TEKT3: variants seen among roughly 807,000 people sequenced by gnomAD.
TEKT3 encodes tektin-3.
In TEKT3, 49 loss-of-function variants were observed where a neutral mutation model predicts 49.8. The observed-to-expected ratio is 0.98, with a 90% CI of 0.78 to 1.25. TEKT3 has a LOEUF of 1.25. Among genes scored for constraint, TEKT3 ranks in the 50% most tolerant of loss-of-function variants. TEKT3 has a pLI of 0.00. For synonymous variants in TEKT3, 225 were observed against 237.2 expected, an observed-to-expected ratio of 0.95 and a Z score of 0.47; for missense variants, 595 against 629.5, an observed-to-expected ratio of 0.95 and a Z score of 0.59.
In TEKT3 at chr17:15,303,861, T is replaced by G; in HGVS notation, c.*75A>C. ...CCTTTAATAAGTGACTATATTAGCA[T>G]TCGGTTCAAATGCTGAGACAGTGCT... On this transcript the variant is annotated 3_prime_UTR_variant, in exon 9 of 9. Transcript: ENST00000395930. The G allele has an allele frequency of 7.4e-7, 1 of 1,345,200 alleles. No individual in the cohort carries two copies. Among genetic ancestry groups the G allele is most frequent in the South Asian group, 1.2e-5 (1 of 83,812 alleles). 83.3% of individuals were successfully genotyped at this position (1,345,200 alleles called of 1,614,324 possible).
At position 15,313,958 on chromosome 17, in the gene TEKT3, A is replaced by G. The variant is rs1029471545; in HGVS notation, c.878+129T>C. ...GCTTGCTTACTGGAGACTTGTCCAA[A>G]GCTGGGTGTGTTTCTCACCTTCAGA... On this transcript the variant is annotated intron_variant, in intron 6 of 8. Transcript: ENST00000395930. 4 of 1,330,976 alleles carry G rather than the reference A, an allele frequency of 3.0e-6. No homozygotes were observed. In the African/African-American group the frequency reaches 4.3e-5, roughly 14 times the overall value. The allele number at this position is 1,330,976 out of a possible 1,614,324, so 82.4% of individuals were successfully genotyped here.
chr17:15,306,105 G>A lies in TEKT3; in HGVS notation c.1257-1953C>T, dbSNP rs1243168769. Among the ~76,000 whole-genome samples, 1,218 of 151,248 alleles carry A rather than the reference G, an allele frequency of 8.1e-3. 75 individuals carry two copies. The East Asian group carries it at 0.14, about 18-fold the overall frequency. On this transcript the variant is annotated intron_variant, in intron 8 of 8. Transcript: ENST00000395930. ...TTTATATATATGTGTGTGTGTGTGTGTGTGTGTGTGTGTGTGTGTGTGTGC... is the reference window on the plus strand; with the variant it reads ...TTTATATATATGTGTGTGTGTGTGTATGTGTGTGTGTGTGTGTGTGTGTGC...
Position 15,319,168 on chromosome 17 carries a change from C to T in TEKT3, c.664-21G>A, listed in dbSNP as rs376637238. 39 of 1,567,362 alleles carry T rather than the reference C, an allele frequency of 2.5e-5. No individual in the cohort carries two copies. The African/African-American group carries it at 5.0e-4, about 20-fold the overall frequency. On this transcript the variant is annotated intron_variant, in intron 4 of 8. Coordinates refer to ENST00000395930, the MANE Select transcript of TEKT3 (RefSeq NM_031898.3). ...ACTTCCTACTCAATTGGAAAAAAAA[C>T]ATATTAATGTTTTCATTATTGAATA...
Position 15,331,370 on chromosome 17 carries a change from T to A in TEKT3, c.216A>T (p.Ser72=). 1 of 1,614,180 alleles carries A rather than the reference T, an allele frequency of 6.2e-7. No individual in the cohort carries two copies. Among genetic ancestry groups the A allele is most frequent in the Non-Finnish European group, 8.5e-7 (1 of 1,180,042 alleles). ...SPSVAPYCTR[S]QRVSENTMLP... is the part of the protein sequence containing the mutation. Reference sequence around the variant, plus strand: ...GCATGGTATTCTCGGACACCCTCTGTGATCTGGTGCAGTACGGGGCCACGC... The same window carrying A: ...GCATGGTATTCTCGGACACCCTCTGAGATCTGGTGCAGTACGGGGCCACGC... The change falls in exon 3 of 9, where the codon TCA becomes TCT. Residue 72 remains serine (S), a synonymous_variant. Transcript: ENST00000395930.
chr17:15,338,508 T>C (rs1469687764), intron 2 of TEKT3: 1 of 138,518 alleles, frequency 7.2e-6, no homozygotes, highest in Non-Finnish European at 1.6e-5. Context: ...CAGTCAATTC[T>C]TTTTTTTTTT....
intron 5 of TEKT3, among the ~76,000 whole-genome samples, chr17:15,314,709 C>T (rs1056837364): frequency 6.6e-6 from 1 of 152,144 alleles, no homozygotes; most frequent in Non-Finnish European, 1.5e-5. Flanking sequence ...ATAGCCGAGC[C>T]TCCTGCCATC....
chr17:15,316,268 T>G (rs1268921363), intron 5 of TEKT3, among the ~76,000 whole-genome samples: 1 of 152,180 alleles, frequency 6.6e-6, no homozygotes, highest in African/African-American at 2.4e-5. Flanking sequence ...GGGGCTGAAA[T>G]GTTCATGAAG....
Position 15,309,122 on chromosome 17 carries a change from C to T in TEKT3, c.1102-304G>A, listed in dbSNP as rs111326940. Among the ~76,000 whole-genome samples the T allele has an allele frequency of 3.0e-4, 45 of 152,264 alleles. 1 individual carries two copies. Among genetic ancestry groups the T allele is most frequent in the Middle Eastern group, 6.8e-3 (2 of 294 alleles). ...GGAGTATTTCAACTACAGAAATTGG[C>T]AAATGCTCCAAATTAGGGGCTCCCT... On this transcript the variant is annotated intron_variant, in intron 7 of 8. Coordinates refer to ENST00000395930, the MANE Select transcript of TEKT3 (RefSeq NM_031898.3).
At chr17:15,312,562 G>T in intron 6 of TEKT3, 81 bp from the exon 7 acceptor site, 1 of 1,291,420 alleles carries the variant, frequency 7.7e-7, no homozygotes, top group Non-Finnish European at 1.1e-6. Context: ...TTTATCCTGA[G>T]AGAGAGAAAC....
intron 2 of TEKT3, among the ~76,000 whole-genome samples, chr17:15,333,592 G>A (rs1911863164): frequency 6.6e-6 from 1 of 152,096 alleles, no homozygotes; most frequent in Admixed American, 6.5e-5. Context: ...GAAATTTAAA[G>A]TACTGAGGCA....
At chr17:15,336,261 G>C (rs1301835649) in intron 2 of TEKT3, among the ~76,000 whole-genome samples, 3 of 152,192 alleles carry the variant, frequency 2.0e-5, no homozygotes, top group Admixed American at 1.3e-4. Context: ...ACGAAGATAA[G>C]AATTAGTGCT....
At chr17:15,338,560 G>A (rs1381622142) in intron 2 of TEKT3, 1 of 148,880 alleles carries the variant, frequency 6.7e-6, no homozygotes, top group Non-Finnish European at 1.5e-5. Context: ...CTGGAGTGCA[G>A]TGGCGCCAAG....
chr17:15,335,468 C>T (rs57731109), intron 2 of TEKT3, among the ~76,000 whole-genome samples: 5 of 152,250 alleles, frequency 3.3e-5, no homozygotes, highest in African/African-American at 1.2e-4. Context: ...AAGGGAGACA[C>T]TAGAGAGGCC....
intron 7 of TEKT3, among the ~76,000 whole-genome samples, chr17:15,311,688 C>G (rs536378152): frequency 1.3e-5 from 2 of 152,254 alleles, no homozygotes; most frequent in Admixed American, 6.5e-5. Flanking sequence ...GCATAATCCA[C>G]AGAAACAATA....
In TEKT3 at chr17:15,312,446, T is replaced by C; in HGVS notation, c.914A>G (p.Asp305Gly). ...SVPESWAKFT[D>G]DNILRSQSER... ...ACTCTGGGAGCGGAGAATATTGTCA[T>C]CTGTAAATTTGGCCCAGGACTCAGG... The change falls in exon 7 of 9, where the codon GAT becomes GGT. Residue 305 changes from aspartate to glycine, a missense_variant. Coordinates refer to ENST00000395930, the MANE Select transcript of TEKT3 (RefSeq NM_031898.3). 6.2e-7 allele frequency: 1 copy of C among 1,614,096 alleles called. No individual in the cohort carries two copies. The highest frequency in any genetic ancestry group is 8.5e-7 in the Non-Finnish European group (1 of 1,180,014).
chr17:15,314,071 C>T lies in TEKT3; in HGVS notation c.878+16G>A, dbSNP rs751657331. Reference sequence around the variant, plus strand: ...AATGACATCGAAATCACAGCCGTGGCGTGTGCCTGACTTACGTTGCATCGA... The same window carrying T: ...AATGACATCGAAATCACAGCCGTGGTGTGTGCCTGACTTACGTTGCATCGA... On this transcript the variant is annotated intron_variant, in intron 6 of 8. Coordinates refer to ENST00000395930, the MANE Select transcript of TEKT3 (RefSeq NM_031898.3). The T allele has an allele frequency of 2.5e-6, 4 of 1,614,112 alleles. No homozygotes were observed. Among genetic ancestry groups the T allele is most frequent in the Admixed American group, 1.7e-5 (1 of 60,024 alleles).
At position 15,319,228 on chromosome 17, in the gene TEKT3, T is replaced by G. The variant is rs552513219; in HGVS notation, c.664-81A>C. ...AAATCAACAATGTAACAAACATCAA[T>G]GAAGGAAAATTTTGTTTCTTAAAAT... On this transcript the variant is annotated intron_variant, in intron 4 of 8. Coordinates refer to ENST00000395930, the MANE Select transcript of TEKT3 (RefSeq NM_031898.3). The G allele has an allele frequency of 2.5e-6, 3 of 1,224,452 alleles. No individual in the cohort carries two copies. The East Asian group carries it at 7.2e-5, about 30-fold the overall frequency. 75.8% of individuals were successfully genotyped at this position (1,224,452 alleles called of 1,614,324 possible). A position where few individuals can be genotyped will look rare whatever the true frequency, so the allele number is the denominator to read the frequency against.
rs1910481915 is a variant in TEKT3 at position 15,304,939 on chromosome 17, C to T, written c.1257-787G>A. 6.6e-6 allele frequency among the ~76,000 whole-genome samples: 1 copy of T among 152,168 alleles called. No homozygotes were observed. The highest frequency in any genetic ancestry group is 1.5e-5 in the Non-Finnish European group (1 of 68,034). On this transcript the variant is annotated intron_variant, in intron 8 of 8. Coordinates refer to ENST00000395930, the MANE Select transcript of TEKT3 (RefSeq NM_031898.3). The surrounding 1 kb of genome is among the most constrained non-coding windows in gnomAD (Gnocchi z 4.7). The stretch of plus-strand genomic sequence containing the variant: ...CCAGTGTTGTGACTTCCAAAAGGAC[C>T]AAGCCTTTTACGGCACTCAGGGTCT...
chr17:15,303,829 G>T lies in TEKT3; in HGVS notation c.*107C>A. On this transcript the variant is annotated 3_prime_UTR_variant, in exon 9 of 9. Coordinates refer to ENST00000395930, the MANE Select transcript of TEKT3 (RefSeq NM_031898.3). ...ACAGGAGGTTGGTACATTTCCATCA[G>T]CATAATCCTTTAATAAGTGACTATA... 9.3e-7 allele frequency: 1 copy of T among 1,078,742 alleles called. No homozygotes were observed. Among genetic ancestry groups the T allele is most frequent in the Non-Finnish European group, 1.4e-6 (1 of 724,090 alleles). The allele number at this position is 1,078,742 out of a possible 1,614,324, so 66.8% of individuals were successfully genotyped here.
Sources: gnomAD v4.1 joint callset for allele counts (sites outside exome capture counted in the v4.1 genomes callset) on GRCh38, gnomAD v4.1.1 for gene constraint, Gnocchi (gnomAD v3.1) non-coding constraint, MANE v1.5 for transcripts, NCBI Gene and HGNC (gene_info 2026-07-23, HGNC 2026-07-21) for gene names.